The following RANBP2 variants were observed in gnomAD, a reference collection of about 807,000 sequenced individuals.
RANBP2 encodes RAN binding protein 2, also known as E3 SUMO-protein ligase RanBP2.
Under a neutral mutation model 303.6 loss-of-function variants are expected in RANBP2, and 57 were observed. The observed-to-expected ratio is 0.19, with a 90% confidence interval of 0.15 to 0.23. The LOEUF (loss-of-function observed/expected upper bound fraction) is 0.23. Among genes scored for constraint, RANBP2 ranks in the 10% least tolerant of loss-of-function variants. The pLI is 1.00. For synonymous variants in RANBP2, 1,167 were observed against 1,301.5 expected, an observed-to-expected ratio of 0.90 and a Z score of 2.23; for missense variants, 3,138 against 3,780.8, an observed-to-expected ratio of 0.83 and a Z score of 4.46.
the RANBP2 span, among the ~76,000 whole-genome samples, chr2:108,881,165 T>C: frequency 6.6e-6 from 1 of 152,242 alleles, no homozygotes; most frequent in Admixed American, 6.5e-5. Context: ...GTGTAGCCAC[T>C]TCATCAGTGG....
chr2:108,984,036 A>T, the RANBP2 span, among the ~76,000 whole-genome samples: 1 of 152,184 alleles, frequency 6.6e-6, no homozygotes, highest in East Asian at 1.9e-4. Flanking sequence ...TGCACAACTT[A>T]TTGAGTCTTG....
chr2:109,323,602 C>A, the RANBP2 span, among the ~76,000 whole-genome samples: 1 of 152,168 alleles, frequency 6.6e-6, no homozygotes, highest in Non-Finnish European at 1.5e-5. Flanking sequence ...TGCATCTGCA[C>A]TGGGGCTGGA....
At chr2:108,775,669 A>G (rs771091962) in intron 23 of RANBP2, 63 bp from the exon 24 acceptor site, 1 of 1,547,450 alleles carries the variant, frequency 6.5e-7, no homozygotes, top group Non-Finnish European at 8.9e-7. Flanking sequence ...GAAATAGATT[A>G]TATAATCTGT....
At chr2:108,875,367 T>C in the RANBP2 span, among the ~76,000 whole-genome samples, 1 of 150,742 alleles carries the variant, frequency 6.6e-6, no homozygotes, top group African/African-American at 2.4e-5. Flanking sequence ...GAAATGAAAT[T>C]ACTGACAGGT....
At chr2:109,408,204 C>T in the RANBP2 span, among the ~76,000 whole-genome samples, 3 of 152,196 alleles carry the variant, frequency 2.0e-5, no homozygotes, top group Non-Finnish European at 4.4e-5. Context: ...TGGGACCCAC[C>T]AGGAGACTAG....
At position 108,743,281 on chromosome 2, in the gene RANBP2, G is replaced by A. The variant is rs186639853; in HGVS notation, c.975+2600G>A. Among the ~76,000 whole-genome samples, 59 of 152,168 alleles carry A rather than the reference G, an allele frequency of 3.9e-4. No homozygotes were observed. In the East Asian group the frequency reaches 0.011, roughly 29 times the overall value. On this transcript the variant is annotated intron_variant, in intron 7 of 28. Transcript: ENST00000283195. The stretch of plus-strand genomic sequence containing the variant: ...TGCACAGCCTAAAATTTTTTGATAT[G>A]TAGTTTTGGGAGGCAGAGTCTCTTG...
chr2:108,975,681 C>T, the RANBP2 span, among the ~76,000 whole-genome samples: 5 of 152,218 alleles, frequency 3.3e-5, no homozygotes, highest in South Asian at 2.1e-4. Flanking sequence ...AAGGAGCTTG[C>T]GAAGCCCCTG....
chr2:109,385,224 C>A, the RANBP2 span, among the ~76,000 whole-genome samples: 3 of 152,232 alleles, frequency 2.0e-5, no homozygotes, highest in African/African-American at 7.2e-5. Context: ...ACCTTACCCA[C>A]CTCCAAGGGT....
chr2:109,565,065 CTA>C, the RANBP2 span, among the ~76,000 whole-genome samples: 1 of 152,112 alleles, frequency 6.6e-6, no homozygotes, highest in African/African-American at 2.4e-5. Context: ...GATCCTTCTT[CTA>C]TGTTTACGGT....
chr2:109,044,989 A>C, the RANBP2 span, among the ~76,000 whole-genome samples: 1 of 152,220 alleles, frequency 6.6e-6, no homozygotes, highest in Non-Finnish European at 1.5e-5. Context: ...AAACCATGGG[A>C]ATAGTTCCAG....
the RANBP2 span, among the ~76,000 whole-genome samples, chr2:109,354,458 G>A: frequency 6.6e-6 from 1 of 152,262 alleles, no homozygotes; most frequent in Non-Finnish European, 1.5e-5. Flanking sequence ...GGCCAGGCAG[G>A]GACTGCTTCT....
At chr2:108,948,233 C>G in the RANBP2 span, among the ~76,000 whole-genome samples, 1 of 152,200 alleles carries the variant, frequency 6.6e-6, no homozygotes, top group East Asian at 1.9e-4. Flanking sequence ...TCTGAGACCA[C>G]CTAAGCCTGG....
the RANBP2 span, among the ~76,000 whole-genome samples, chr2:108,817,808 G>A: frequency 6.6e-6 from 1 of 152,194 alleles, no homozygotes; most frequent in South Asian, 2.1e-4. Flanking sequence ...CTACAGAAGT[G>A]TAAAATAATG....
chr2:108,956,906 A>G, the RANBP2 span, among the ~76,000 whole-genome samples: 4 of 151,990 alleles, frequency 2.6e-5, no homozygotes, highest in African/African-American at 4.8e-5. Flanking sequence ...CTCCTGCCTC[A>G]GCCTCCCGAG....
At chr2:109,055,572 GA>G in the RANBP2 span, among the ~76,000 whole-genome samples, 2 of 149,616 alleles carry the variant, frequency 1.3e-5, no homozygotes, top group African/African-American at 2.4e-5. Flanking sequence ...TTTTAGTAGA[GA>G]CAGGGTTTCA....
chr2:109,254,439 G>C, the RANBP2 span, among the ~76,000 whole-genome samples: 1 of 152,118 alleles, frequency 6.6e-6, no homozygotes, highest in Non-Finnish European at 1.5e-5. Flanking sequence ...ATGGATTAAT[G>C]CTGTAAAGTA....
chr2:108,787,424 T>C (rs548146948), downstream of RANBP2, among the ~76,000 whole-genome samples: 1 of 152,332 alleles, frequency 6.6e-6, no homozygotes, highest in South Asian at 2.1e-4. Flanking sequence ...TTTGCAGGCA[T>C]CATGCCCCTT....
At chr2:108,790,371 A>G (rs533341705), downstream of RANBP2, among the ~76,000 whole-genome samples, 33 of 152,318 alleles carry the variant, frequency 2.2e-4, no homozygotes, top group African/African-American at 7.5e-4. Flanking sequence ...GTTTTGGACT[A>G]TGAAGGTTTT....
chr2:109,058,851 T>A, the RANBP2 span, among the ~76,000 whole-genome samples: 2 of 151,564 alleles, frequency 1.3e-5, no homozygotes, highest in South Asian at 4.2e-4. Flanking sequence ...GGGCAGTGAG[T>A]TGGGGAGGGG....
Sources: gnomAD v4.1 joint callset for allele counts (sites outside exome capture counted in the v4.1 genomes callset) on GRCh38, gnomAD v4.1.1 for gene constraint, MANE v1.5 for transcripts, NCBI Gene and HGNC (gene_info 2026-07-23, HGNC 2026-07-21) for gene names.